The following C4BPB variants were observed in gnomAD, a reference collection of about 807,000 sequenced individuals.
C4BPB encodes complement component 4 binding protein beta.
C4BPB carries 19 observed loss-of-function variants against 26.6 expected under a neutral mutation model. The ratio of observed to expected loss-of-function variants is 0.71; its 90% CI spans 0.50 to 1.05. The LOEUF (loss-of-function observed/expected upper bound fraction) is 1.05, where lower values mean the gene tolerates loss of function less well. Among genes scored for constraint, C4BPB ranks in the 50% least tolerant of loss-of-function variants. C4BPB has a pLI of 0.00. For missense variants in C4BPB, 282 were observed against 302.9 expected, an observed-to-expected ratio of 0.93 and a Z score of 0.51; for synonymous variants, 118 against 103.5, an observed-to-expected ratio of 1.14 and a Z score of -0.85.
In C4BPB at chr1:207,089,535, T is replaced by A; in HGVS notation, c.4T>A (p.Phe2Ile). The change falls in exon 2 of 7, where the codon TTT (phenylalanine) becomes ATT (isoleucine). Residue 2 changes from phenylalanine (F) to isoleucine (I), a missense_variant. Phe to Ile is a conservative substitution (Grantham distance 21). Transcript: ENST00000367078. M[F>I]FWCACCLMVA... ...GGGAGAGGACTTTGATCACCAGATG[T>A]TTTTTTGGTGTGCGTGCTGTCTTAT... 3.1e-6 allele frequency: 5 copies of A among 1,613,292 alleles called. No homozygotes were observed. Among genetic ancestry groups the A allele is most frequent in the Admixed American group, 1.7e-5 (1 of 60,012 alleles).
chr1:207,093,291 C>T (rs536522154), intron 4 of C4BPB, among the ~76,000 whole-genome samples: 1 of 152,200 alleles, frequency 6.6e-6, no homozygotes, highest in East Asian at 1.9e-4. Context: ...ATTAAAGAAT[C>T]TCATCCAGTA....
intron 4 of C4BPB, among the ~76,000 whole-genome samples, chr1:207,093,271 A>G (rs1363197849): frequency 6.6e-6 from 1 of 152,344 alleles, no homozygotes; most frequent in East Asian, 1.9e-4. Context: ...AAAATATGAA[A>G]AAAACATTAA....
At chr1:207,092,672 G>GT (rs1318911532) in intron 4 of C4BPB, among the ~76,000 whole-genome samples, 1 of 145,462 alleles carries the variant, frequency 6.9e-6, no homozygotes, top group Non-Finnish European at 1.5e-5. Flanking sequence ...CTATTGCCCA[G>GT]GCTGGAGTGC....
intron 4 of C4BPB, among the ~76,000 whole-genome samples, chr1:207,092,869 C>A (rs1572755342): frequency 2.0e-5 from 3 of 152,084 alleles, no homozygotes. Flanking sequence ...TCGTGATCCA[C>A]CCACCTCGGC....
At chr1:207,097,150 G>A (rs1203819772) in intron 5 of C4BPB, among the ~76,000 whole-genome samples, 1 of 152,138 alleles carries the variant, frequency 6.6e-6, no homozygotes, top group Admixed American at 6.6e-5. Flanking sequence ...TTTAACCCAG[G>A]TGGAAAAGTG....
Position 207,091,737 on chromosome 1 carries a change from A to T in C4BPB, c.326A>T (p.Asp109Val). The change falls in exon 4 of 7, where the codon GAC becomes GTC. Residue 109 changes from aspartate to valine, a missense_variant. Physicochemically the swap from Asp to Val is radical, Grantham distance 152. Transcript: ENST00000367078. ...GACAAAATCACGTTTATGTGCAATG[A>T]CCACTACATCCTCAAGGGCAGCAAT... ...VSDKITFMCN[D>V]HYILKGSNRS... 6.2e-7 allele frequency: 1 copy of T among 1,614,094 alleles called. No homozygotes were observed. Among genetic ancestry groups the T allele is most frequent in the Non-Finnish European group, 8.5e-7 (1 of 1,179,976 alleles).
intron 3 of C4BPB, 51 bp from the exon 4 acceptor site, chr1:207,091,593 T>C (rs750887269): frequency 6.6e-7 from 1 of 1,512,506 alleles, no homozygotes; most frequent in Non-Finnish European, 9.1e-7. Flanking sequence ...GCCTTTGCTG[T>C]GTTGGGCTTC....
chr1:207,095,283 T>G (rs137869742), intron 4 of C4BPB: 1 of 456,706 alleles, frequency 2.2e-6, no homozygotes, highest in East Asian at 7.0e-5. Context: ...CCTGCTTTCT[T>G]TCCACAGTTC....
In C4BPB at chr1:207,098,190, G is replaced by A; in HGVS notation, c.544G>A (p.Gly182Arg). 2 of 1,614,092 alleles carry A rather than the reference G, an allele frequency of 1.2e-6. No individual in the cohort carries two copies. Among genetic ancestry groups the A allele is most frequent in the Non-Finnish European group, 1.7e-6 (2 of 1,179,948 alleles). The stretch of plus-strand genomic sequence containing the variant: ...CGTGCAGGAGCAGCAATGCGTTGAT[G>A]GGGAGTGGAGCAGTGCACTTCCAGT... ...VGVQEQQCVD[G>R]EWSSALPVCK... The change falls in exon 6 of 7, where the codon GGG becomes AGG. Residue 182 changes from glycine to arginine, a missense_variant. Gly to Arg is a moderately radical substitution (Grantham distance 125, BLOSUM62 -2). Coordinates refer to ENST00000367078, the MANE Select transcript of C4BPB (RefSeq NM_001017365.3).
At chr1:207,091,987 C>T (rs1684045893) in intron 4 of C4BPB, 167 bp downstream of exon 4, 1 of 589,068 alleles carries the variant, frequency 1.7e-6, no homozygotes, top group African/African-American at 1.9e-5. Flanking sequence ...CCAAATCTCA[C>T]CTCAAGAGAA....
intron 6 of C4BPB, among the ~76,000 whole-genome samples, chr1:207,099,350 C>T (rs1293114589): frequency 2.0e-5 from 3 of 152,240 alleles, no homozygotes; most frequent in Non-Finnish European, 4.4e-5. Context: ...GCTATAAATA[C>T]AGCTGAAGCT....
rs1441870557 is a variant in C4BPB, at chr1:207,099,975, TTTC to T, written c.*52_*54del. The T allele has an allele frequency of 6.4e-7, 1 of 1,554,024 alleles. No homozygotes were observed. The highest frequency in any genetic ancestry group is 8.7e-7 in the Non-Finnish European group (1 of 1,149,090). Reference sequence around the variant, plus strand: ...AATAGAAATAAACCTATGAATAAATTTTCTTCTTGGTTCTGAAATTGGTTTCAG... The same window carrying T: ...AATAGAAATAAACCTATGAATAAATTTTCTTGGTTCTGAAATTGGTTTCAG... On this transcript the variant is annotated 3_prime_UTR_variant, in exon 7 of 7. Coordinates refer to ENST00000367078, the MANE Select transcript of C4BPB (RefSeq NM_001017365.3).
rs916010860 is a variant in C4BPB at position 207,098,136 on chromosome 1, T to C, written c.504-14T>C. 2.5e-6 allele frequency: 4 copies of C among 1,604,296 alleles called. No individual in the cohort carries two copies. Among genetic ancestry groups the C allele is most frequent in the Admixed American group, 3.3e-5 (2 of 59,956 alleles). On this transcript the variant is annotated splice_polypyrimidine_tract_variant and intron_variant, in intron 5 of 6. Transcript: ENST00000367078. Reference sequence around the variant, plus strand: ...AAAGTGGAAAAGCTAAGCCTTGTTCTAATTTCTGTTCAGGTACTACTTAGT... The same window carrying C: ...AAAGTGGAAAAGCTAAGCCTTGTTCCAATTTCTGTTCAGGTACTACTTAGT...
At position 207,099,901 on chromosome 1, in the gene C4BPB, A is replaced by C; in HGVS notation, c.731A>C (p.Lys244Thr). 2 of 1,613,464 alleles carry C rather than the reference A, an allele frequency of 1.2e-6. No individual in the cohort carries two copies. Reference protein sequence around the residue: ...EELKYSLELKKAELKAKLL With the variant: ...EELKYSLELKTAELKAKLL ...CTAAAATATTCTCTGGAGCTGAAGA[A>C]AGCTGAGTTGAAGGCAAAATTGTTG... Residue 244 changes from lysine (K) to threonine (T), a missense_variant, in exon 7 of 7, where the codon AAA becomes ACA. Coordinates refer to ENST00000367078, the MANE Select transcript of C4BPB (RefSeq NM_001017365.3).
At chr1:207,094,213 T>C (rs184567911) in intron 4 of C4BPB, among the ~76,000 whole-genome samples, 2 of 152,048 alleles carry the variant, frequency 1.3e-5, no homozygotes, top group Admixed American at 1.3e-4. Context: ...TGGCAGTGCA[T>C]ACCTGCAGTC....
intron 4 of C4BPB, 110 bp from the exon 5 acceptor site, chr1:207,096,412 G>T (rs1029219080): frequency 2.7e-6 from 2 of 730,182 alleles, no homozygotes; most frequent in Non-Finnish European, 5.1e-6. Context: ...GCTGGCGCAG[G>T]TGTTGCTCTG....
chr1:207,098,373 T>G, intron 6 of C4BPB, 109 bp downstream of exon 6: 1 of 682,662 alleles, frequency 1.5e-6, no homozygotes, highest in Non-Finnish European at 2.5e-6. Flanking sequence ...CATTTTGCTT[T>G]TGAATGGGTT....
intron 4 of C4BPB, among the ~76,000 whole-genome samples, chr1:207,092,382 C>T (rs1052730251): frequency 4.0e-5 from 6 of 151,832 alleles, no homozygotes; most frequent in Middle Eastern, 3.4e-3. Context: ...ATAAATATAC[C>T]TATAGAAAAG....
intron 4 of C4BPB, chr1:207,095,576 C>T (rs983979635): frequency 5.4e-6 from 2 of 370,288 alleles, no homozygotes; most frequent in East Asian, 7.4e-5. Context: ...TGATCCACCC[C>T]CTTCAGCCTC....
Sources: allele counts gnomAD v4.1 joint callset (sites outside exome capture counted in the v4.1 genomes callset), GRCh38; gene constraint gnomAD v4.1.1; transcripts MANE v1.5; gene names NCBI Gene and HGNC (gene_info 2026-07-23, HGNC 2026-07-21).